SLC27A6: variants seen among roughly 807,000 people sequenced by gnomAD.
SLC27A6 encodes long-chain fatty acid transport protein 6.
SLC27A6 carries 74 observed loss-of-function variants against 63.9 expected under a neutral mutation model. That is an observed-to-expected ratio of 1.16 (90% CI 0.96 to 1.40). The LOEUF (loss-of-function observed/expected upper bound fraction) is 1.40. Ranked by LOEUF, SLC27A6 falls within the 40% of genes most tolerant of loss-of-function variation. The pLI is 0.00. For missense variants in SLC27A6, 794 were observed against 732.9 expected (o/e 1.08, Z -0.96); for synonymous variants, 287 against 260.8 (o/e 1.10, Z -0.97).
At chr5:128,978,968 GCGATAGGCTATATA>G (rs1324079900) in intron 1 of SLC27A6, among the ~76,000 whole-genome samples, 1 of 152,088 alleles carries the variant, frequency 6.6e-6, no homozygotes, top group Non-Finnish European at 1.5e-5. Context: ...TAGCCTAGGA[GCGATAGGCTATATA>G]TCATACAGCC....
rs567121589 is a variant in SLC27A6 at position 129,000,703 on chromosome 5, G to A, written c.969+10239G>A. Among the ~76,000 whole-genome samples the A allele has an allele frequency of 2.0e-5, 3 of 152,288 alleles. No individual in the cohort carries two copies. In the South Asian group the frequency reaches 6.2e-4, roughly 32 times the overall value. ...GAGCGCTAGTAGTTGTAGCTCAGGT[G>A]ACAGTTTTTCTGAGTTTCTAGGAAA... On this transcript the variant is annotated intron_variant, in intron 4 of 9. Coordinates refer to ENST00000262462, the MANE Select transcript of SLC27A6 (RefSeq NM_001017372.3).
chr5:128,980,140 T>C (rs1750532907), intron 1 of SLC27A6, among the ~76,000 whole-genome samples: 1 of 152,214 alleles, frequency 6.6e-6, no homozygotes, highest in Non-Finnish European at 1.5e-5. Flanking sequence ...CAACTTTCTA[T>C]TTAATGAGCT....
intron 1 of SLC27A6, among the ~76,000 whole-genome samples, chr5:128,974,068 G>GA (rs771071427): frequency 6.6e-6 from 1 of 152,126 alleles, no homozygotes; most frequent in Admixed American, 6.5e-5. Context: ...CAGTGTCCCT[G>GA]AAAAAATGGA....
chr5:128,989,062 A>G (rs1391712644), intron 3 of SLC27A6, among the ~76,000 whole-genome samples: 2 of 152,162 alleles, frequency 1.3e-5, no homozygotes, highest in Non-Finnish European at 2.9e-5. Context: ...CAAATGTAGT[A>G]GAAATGTTCC....
At chr5:129,021,423 G>A (rs754517404) in intron 5 of SLC27A6, among the ~76,000 whole-genome samples, 6 of 151,970 alleles carry the variant, frequency 3.9e-5, no homozygotes, top group Non-Finnish European at 7.4e-5. Context: ...TTAACTTTGC[G>A]TTCCTTTTCC....
intron 4 of SLC27A6, among the ~76,000 whole-genome samples, chr5:128,999,060 A>G (rs1751250085): frequency 6.6e-6 from 1 of 152,130 alleles, no homozygotes. Context: ...ACCATGTCTT[A>G]TGAGCTTTGT....
intron 1 of SLC27A6, 58 bp downstream of exon 1, chr5:128,966,676 C>CT (rs35605807): frequency 0.013 from 13,141 of 993,030 alleles, 1 homozygote; most frequent in East Asian, 0.031. Context: ...CTTTCATACC[C>CT]TTTTTTTTTT....
chr5:129,027,035 C>A, intron 6 of SLC27A6, 98 bp from the exon 7 acceptor site: 2 of 962,334 alleles, frequency 2.1e-6, no homozygotes, highest in Admixed American at 1.9e-5. Flanking sequence ...AGATAAGCAG[C>A]ATTGGTTGTG....
chr5:128,966,062 G>C lies in SLC27A6; in HGVS notation c.-76G>C. The C allele has an allele frequency of 2.7e-6, 4 of 1,498,608 alleles. No homozygotes were observed. The highest frequency in any genetic ancestry group is 3.6e-6 in the Non-Finnish European group (4 of 1,124,606). 92.8% of individuals were successfully genotyped at this position (1,498,608 alleles called of 1,614,324 possible). On this transcript the variant is annotated 5_prime_UTR_variant, in exon 1 of 10. Transcript: ENST00000262462. Reference sequence around the variant, plus strand: ...TGAGTAGTGAGGATCTGCGGTCTCCGTGGAGAGCTGTGCCTGGAAGAGAAG... The same window carrying C: ...TGAGTAGTGAGGATCTGCGGTCTCCCTGGAGAGCTGTGCCTGGAAGAGAAG...
chr5:128,970,063 C>T (rs541211021), intron 1 of SLC27A6, among the ~76,000 whole-genome samples: 54 of 150,586 alleles, frequency 3.6e-4, no homozygotes, highest in East Asian at 9.7e-4. Context: ...TGCTGGATTA[C>T]GTTTATTGAT....
At chr5:129,008,073 T>C (rs1751605348) in intron 4 of SLC27A6, among the ~76,000 whole-genome samples, 1 of 152,040 alleles carries the variant, frequency 6.6e-6, no homozygotes, top group Non-Finnish European at 1.5e-5. Context: ...TTTCATTTTT[T>C]ATTTTTCTGT....
chr5:128,969,135 G>A (rs564023362), intron 1 of SLC27A6, among the ~76,000 whole-genome samples: 1 of 152,242 alleles, frequency 6.6e-6, no homozygotes, highest in South Asian at 2.1e-4. Context: ...CTCTGTTTTG[G>A]TACTAGTACC....
chr5:128,983,321 T>G (rs544002388), intron 1 of SLC27A6, among the ~76,000 whole-genome samples: 2 of 121,268 alleles, frequency 1.6e-5, no homozygotes, highest in South Asian at 5.4e-4. Context: ...AGACAGAGTT[T>G]TGCTCTTCTT....
Position 129,026,418 on chromosome 5 carries a change from G to A in SLC27A6, c.1256-715G>A, listed in dbSNP as rs556743138. Among the ~76,000 whole-genome samples the A allele has an allele frequency of 5.9e-5, 9 of 152,264 alleles. No individual in the cohort carries two copies. In the East Asian group the frequency reaches 1.7e-3, roughly 29 times the overall value. On this transcript the variant is annotated intron_variant, in intron 6 of 9. Transcript: ENST00000262462. ...GTCTAAACATAACTGAAACTAATAA[G>A]TATCATAGAATAGGAAACCTTTTCA...
intron 7 of SLC27A6, among the ~76,000 whole-genome samples, chr5:129,028,135 T>C (rs1203687011): frequency 6.6e-6 from 1 of 152,132 alleles, no homozygotes; most frequent in African/African-American, 2.4e-5. Context: ...TACAATGAGA[T>C]ATAAAGTAAT....
intron 1 of SLC27A6, among the ~76,000 whole-genome samples, chr5:128,984,929 T>C (rs1750733570): frequency 1.3e-5 from 2 of 152,208 alleles, no homozygotes; most frequent in African/African-American, 4.8e-5. Context: ...TGCATTGGTC[T>C]GTCAGGTGAT....
intron 4 of SLC27A6, among the ~76,000 whole-genome samples, chr5:129,010,921 A>T (rs1225142825): frequency 6.6e-6 from 1 of 152,198 alleles, no homozygotes; most frequent in East Asian, 1.9e-4. Context: ...ACCTACGGAC[A>T]CTGTGAGATA....
chr5:129,001,476 T>C (rs552793533), intron 4 of SLC27A6, among the ~76,000 whole-genome samples: 1 of 152,320 alleles, frequency 6.6e-6, no homozygotes, highest in East Asian at 1.9e-4. Context: ...GGTGTGTTGG[T>C]GTGACACATG....
At chr5:129,012,347 T>G (rs563194092) in intron 4 of SLC27A6, among the ~76,000 whole-genome samples, 8 of 152,252 alleles carry the variant, frequency 5.3e-5, no homozygotes, top group Middle Eastern at 3.4e-3. Flanking sequence ...AGCTTAATGC[T>G]TTGAATTTGG....
Sources: allele counts gnomAD v4.1 joint callset (sites outside exome capture counted in the v4.1 genomes callset), GRCh38; gene constraint gnomAD v4.1.1; transcripts MANE v1.5; gene names NCBI Gene and HGNC (gene_info 2026-07-23, HGNC 2026-07-21).